The following DNAH14 variants were observed in gnomAD, a reference collection of about 807,000 sequenced individuals.
DNAH14 encodes dynein axonemal heavy chain 14, also known as axonemal beta dynein heavy chain 14.
DNAH14 carries 478 observed loss-of-function variants against 520.9 expected under a neutral mutation model. The observed-to-expected ratio is 0.92, with a 90% CI of 0.85 to 0.99. The LOEUF is 0.99. Ranked by LOEUF, DNAH14 falls within the 50% of genes least tolerant of loss-of-function variation. The pLI is 0.00. For synonymous variants in DNAH14, 1,581 were observed against 1,757.2 expected, an observed-to-expected ratio of 0.90 and a Z score of 2.51; for missense variants, 4,831 against 5,234.5, an observed-to-expected ratio of 0.92 and a Z score of 2.38.
chr1:225,118,110 A>G, intron 25 of DNAH14, 111 bp downstream of exon 25: 1 of 813,354 alleles, frequency 1.2e-6, no homozygotes, highest in Non-Finnish European at 2.1e-6. Flanking sequence ...CTGTTTCTTC[A>G]AAGATTATAT....
At chr1:225,096,727 CTA>C (rs2075012162) in intron 21 of DNAH14, among the ~76,000 whole-genome samples, 1 of 152,098 alleles carries the variant, frequency 6.6e-6, no homozygotes, top group Non-Finnish European at 1.5e-5. Flanking sequence ...ATATGTGCAT[CTA>C]TATGTGAAAT....
chr1:225,118,376 CT>C (rs2077027241), intron 25 of DNAH14, among the ~76,000 whole-genome samples: 1 of 152,170 alleles, frequency 6.6e-6, no homozygotes, highest in Non-Finnish European at 1.5e-5. Context: ...ACTCCCACTA[CT>C]GCTTCTGCTG....
chr1:225,005,314 C>T (rs554209768), intron 9 of DNAH14, among the ~76,000 whole-genome samples: 3 of 152,256 alleles, frequency 2.0e-5, no homozygotes, highest in Non-Finnish European at 2.9e-5. Flanking sequence ...CATTTTAAAT[C>T]GGTTCCTCAG....
chr1:225,394,819 G>C (rs2095982262), intron 84 of DNAH14, among the ~76,000 whole-genome samples: 1 of 151,230 alleles, frequency 6.6e-6, no homozygotes, highest in Non-Finnish European at 1.5e-5. Context: ...ACTCCAGCCT[G>C]GGTGACAGAG....
At chr1:225,164,656 G>A (rs2081870292) in intron 35 of DNAH14, among the ~76,000 whole-genome samples, 1 of 152,004 alleles carries the variant, frequency 6.6e-6, no homozygotes, top group Non-Finnish European at 1.5e-5. Context: ...TGACATTCAT[G>A]CCTCTTTTAG....
intron 8 of DNAH14, among the ~76,000 whole-genome samples, chr1:224,975,767 A>G (rs2061784591): frequency 1.3e-5 from 2 of 151,168 alleles, no homozygotes; most frequent in African/African-American, 4.9e-5. Context: ...GCCTTCTGCT[A>G]GCTTTTGATT....
In DNAH14 at chr1:225,392,378, A is replaced by G; in HGVS notation, c.13418A>G (p.Asn4473Ser). The G allele has an allele frequency of 6.4e-7, 1 of 1,552,254 alleles. No homozygotes were observed. The highest frequency in any genetic ancestry group is 2.4e-5 in the East Asian group (1 of 40,920). ...ALTFTHHVIS[N>S]TTDKDEKFSV... ...ACCTTCACCCACCATGTGATTTCCA[A>G]CACCACTGACAAGGATGAGAAGTTC... Residue 4473 changes from asparagine (N) to serine (S), a missense_variant, in exon 84 of 86, where the codon AAC (asparagine) becomes AGC (serine). Coordinates refer to ENST00000682510, the MANE Select transcript of DNAH14 (RefSeq NM_001367479.1).
intron 20 of DNAH14, among the ~76,000 whole-genome samples, chr1:225,083,929 G>A (rs2073434106): frequency 6.6e-6 from 1 of 152,090 alleles, no homozygotes. Flanking sequence ...TTAGATAAAG[G>A]GTGAGAATTT....
At chr1:225,240,539 T>C in intron 42 of DNAH14, 54 bp from the exon 43 acceptor site, 1 of 1,112,358 alleles carries the variant, frequency 9.0e-7, no homozygotes, top group Non-Finnish European at 1.3e-6. Flanking sequence ...TTTCTATTCT[T>C]AAACTGCTTT....
At chr1:225,000,777 A>G (rs1436305128) in intron 8 of DNAH14, among the ~76,000 whole-genome samples, 2 of 143,728 alleles carry the variant, frequency 1.4e-5, no homozygotes, top group Non-Finnish European at 3.0e-5. Context: ...TCATTCTGTC[A>G]TTGAGTTCAG....
intron 1 of DNAH14, among the ~76,000 whole-genome samples, chr1:224,942,253 T>C (rs986945556): frequency 2.6e-5 from 4 of 152,210 alleles, no homozygotes; most frequent in East Asian, 1.9e-4. Context: ...CCTAGGTATT[T>C]TATTCTCTTT....
rs183032941 is a variant in DNAH14 at position 225,338,051 on chromosome 1, G to A, written c.10312-10G>A. 2 of 1,502,856 alleles carry A rather than the reference G, an allele frequency of 1.3e-6. No homozygotes were observed. The highest frequency in any genetic ancestry group is 1.4e-5 in the African/African-American group (1 of 69,698). 93.1% of individuals were successfully genotyped at this position (1,502,856 alleles called of 1,614,324 possible). A position where few individuals can be genotyped will look rare whatever the true frequency, so the allele number is the denominator to read the frequency against. On this transcript the variant is annotated splice_polypyrimidine_tract_variant and intron_variant, in intron 67 of 85. Transcript: ENST00000682510. ...TGATTTTTCTTATTTTTGTCTATTGGGTTTTTCAGAATCTCCTTGAGACAT... is the reference window on the plus strand; with the variant it reads ...TGATTTTTCTTATTTTTGTCTATTGAGTTTTTCAGAATCTCCTTGAGACAT...
intron 30 of DNAH14, among the ~76,000 whole-genome samples, chr1:225,145,597 C>T (rs1003180449): frequency 3.3e-5 from 5 of 152,168 alleles, no homozygotes; most frequent in African/African-American, 9.7e-5. Context: ...AGGTGAACTA[C>T]TCCTTAAGAC....
At chr1:225,065,153 T>G (rs2070703413) in intron 17 of DNAH14, among the ~76,000 whole-genome samples, 1 of 152,004 alleles carries the variant, frequency 6.6e-6, no homozygotes, top group Non-Finnish European at 1.5e-5. Flanking sequence ...ATGAAATCTT[T>G]GCCCATGCCT....
chr1:225,304,981 T>G lies in DNAH14; in HGVS notation c.8897T>G (p.Phe2966Cys). The change falls in exon 58 of 86, where the codon TTT becomes TGT. Residue 2966 changes from phenylalanine (F) to cysteine (C), a missense_variant. Phe to Cys is a radical substitution (Grantham distance 205). Coordinates refer to ENST00000682510, the MANE Select transcript of DNAH14 (RefSeq NM_001367479.1). Reference protein sequence around the residue: ...KSMKDLNRKYFEETGRFYYTT... With the variant: ...KSMKDLNRKYCEETGRFYYTT... The stretch of plus-strand genomic sequence containing the variant: ...ATGAAAGACTTGAACAGAAAATACT[T>G]TGAAGAAACTGGAAGATTTTATTAT... 6.5e-7 allele frequency: 1 copy of G among 1,546,030 alleles called. No individual in the cohort carries two copies. The highest frequency in any genetic ancestry group is 8.7e-7 in the Non-Finnish European group (1 of 1,145,800).
At chr1:225,035,495 T>G (rs1384555178) in intron 11 of DNAH14, among the ~76,000 whole-genome samples, 1 of 149,660 alleles carries the variant, frequency 6.7e-6, no homozygotes, top group Non-Finnish European at 1.5e-5. Context: ...GTTGTTTATT[T>G]GAAGTTTTTT....
chr1:225,113,237 A>G (rs1037033119), intron 23 of DNAH14, among the ~76,000 whole-genome samples: 1 of 152,182 alleles, frequency 6.6e-6, no homozygotes, highest in Non-Finnish European at 1.5e-5. Context: ...CTTGCAGACA[A>G]GGTACCACCT....
At chr1:225,108,454 A>T (rs1558984909) in intron 23 of DNAH14, among the ~76,000 whole-genome samples, 2 of 152,202 alleles carry the variant, frequency 1.3e-5, no homozygotes, top group Non-Finnish European at 2.9e-5. Flanking sequence ...GTCCCTCTAG[A>T]GAACCGTGAC....
chr1:225,140,624 A>G, intron 27 of DNAH14, 144 bp from the exon 28 acceptor site: 1 of 643,692 alleles, frequency 1.6e-6, no homozygotes, highest in Non-Finnish European at 2.5e-6. Context: ...AATACACACA[A>G]ATGTGTAAGG....
Sources: allele counts gnomAD v4.1 joint callset (sites outside exome capture counted in the v4.1 genomes callset), GRCh38; gene constraint gnomAD v4.1.1; transcripts MANE v1.5; gene names NCBI Gene and HGNC (gene_info 2026-07-23, HGNC 2026-07-21).